Variants in LINGO2 observed in about 807,000 individuals in gnomAD.
LINGO2 encodes leucine-rich repeat and immunoglobulin-like domain-containing nogo receptor-interacting protein 2.
LINGO2 carries 14 observed loss-of-function variants against 30.6 expected under a neutral mutation model. The ratio of observed to expected loss-of-function variants is 0.46; its 90% CI spans 0.30 to 0.72. The LOEUF (loss-of-function observed/expected upper bound fraction) is 0.72, where lower values mean the gene tolerates loss of function less well. Among genes scored for constraint, LINGO2 ranks in the 30% least tolerant of loss-of-function variants. LINGO2 has a pLI of 0.07. For synonymous variants in LINGO2, 317 were observed against 288.5 expected, an observed-to-expected ratio of 1.10 and a Z score of -1.00; for missense variants, 729 against 751.7, an observed-to-expected ratio of 0.97 and a Z score of 0.35.
At chr9:28,313,690 G>A (rs986140491) in intron 3 of LINGO2, among the ~76,000 whole-genome samples, 3 of 152,070 alleles carry the variant, frequency 2.0e-5, no homozygotes, top group Non-Finnish European at 4.4e-5. Flanking sequence ...GTTGCTTCTC[G>A]AGTTCAAGCT....
rs1822494449 is a variant in LINGO2 at position 28,010,377 on chromosome 9, G to A, written c.-36+1978C>T. Among the ~76,000 whole-genome samples, 3 of 152,120 alleles carry A rather than the reference G, an allele frequency of 2.0e-5. No homozygotes were observed. In the South Asian group the frequency reaches 6.2e-4, roughly 32 times the overall value. On this transcript the variant is annotated intron_variant, in intron 5 of 5. Transcript: ENST00000379992. ...ACATAGTTTGTAACCTAGACACCTG[G>A]ACACTGAGACCTCACTCCTCTGGGC...
chr9:28,264,493 T>C (rs1587352580), intron 4 of LINGO2, among the ~76,000 whole-genome samples: 1 of 152,022 alleles, frequency 6.6e-6, no homozygotes, highest in Non-Finnish European at 1.5e-5. Flanking sequence ...AATATTTCAT[T>C]CAAGGCTTGA....
At chr9:28,985,945 T>G in the LINGO2 span, among the ~76,000 whole-genome samples, 2 of 152,062 alleles carry the variant, frequency 1.3e-5, no homozygotes, top group African/African-American at 4.8e-5. Flanking sequence ...CCCAGACCAA[T>G]GTTGTGTTTC....
chr9:28,553,497 G>C (rs1320017306), intron 1 of LINGO2, among the ~76,000 whole-genome samples: 2 of 152,088 alleles, frequency 1.3e-5, no homozygotes, highest in African/African-American at 4.8e-5. Context: ...ATGGGACTAT[G>C]TGAAAAGACC....
intron 3 of LINGO2, among the ~76,000 whole-genome samples, chr9:28,305,018 C>T (rs2134225197): frequency 6.6e-6 from 1 of 151,858 alleles, no homozygotes; most frequent in South Asian, 2.1e-4. Flanking sequence ...AATGGAATAG[C>T]CAGAGCAACT....
At chr9:28,667,466 G>A (rs1828848644) in intron 1 of LINGO2, among the ~76,000 whole-genome samples, 1 of 152,070 alleles carries the variant, frequency 6.6e-6, no homozygotes, top group Admixed American at 6.6e-5. Flanking sequence ...AATTCCCACT[G>A]GGCACGGTGG....
rs947398146 is a variant in LINGO2 at position 28,215,616 on chromosome 9, T to TA, written c.-87+79591dup. On this transcript the variant is annotated intron_variant, in intron 4 of 5. Coordinates refer to ENST00000379992, the Ensembl canonical transcript of LINGO2. ...AACTGGGAGGCCACAATAAATTCAG[T>TA]AAAAAAAAATGTTAGTCAAGGGTTG... Among the ~76,000 whole-genome samples, 157 of 150,668 alleles carry TA rather than the reference T, an allele frequency of 1.0e-3. 1 individual carries two copies. Among genetic ancestry groups the TA allele is most frequent in the African/African-American group, 3.5e-3 (143 of 41,208 alleles).
chr9:28,023,526 C>A (rs1450990929), intron 4 of LINGO2, among the ~76,000 whole-genome samples: 2 of 152,140 alleles, frequency 1.3e-5, no homozygotes, highest in Non-Finnish European at 2.9e-5. Flanking sequence ...CTCTTATGAA[C>A]CAATCTCAGT....
At chr9:29,003,844 G>C in the LINGO2 span, among the ~76,000 whole-genome samples, 46 of 152,098 alleles carry the variant, frequency 3.0e-4, no homozygotes, top group African/African-American at 1.1e-3. Context: ...ATCTGAGGGA[G>C]AGAATCTGTA....
the LINGO2 span, among the ~76,000 whole-genome samples, chr9:29,007,694 T>C: frequency 6.6e-6 from 1 of 152,084 alleles, no homozygotes; most frequent in Non-Finnish European, 1.5e-5. Context: ...GATTCAGTGA[T>C]ATCCAAAGTG....
At chr9:28,186,770 G>T (rs1819556002) in intron 4 of LINGO2, among the ~76,000 whole-genome samples, 1 of 152,150 alleles carries the variant, frequency 6.6e-6, no homozygotes. Context: ...AGGCCCTGAG[G>T]TAGGAGCAGG....
the LINGO2 span, among the ~76,000 whole-genome samples, chr9:29,100,356 A>G: frequency 0.24 from 35,822 of 151,872 alleles, 4,360 homozygotes; most frequent in East Asian, 0.41. Flanking sequence ...CAGAACTTTC[A>G]GAGGCCGAGG....
chr9:29,052,060 A>G, the LINGO2 span, among the ~76,000 whole-genome samples: 1 of 152,130 alleles, frequency 6.6e-6, no homozygotes, highest in Non-Finnish European at 1.5e-5. Context: ...ACAAAATGGC[A>G]ATTTCCTATG....
chr9:28,770,351 T>C, the LINGO2 span, among the ~76,000 whole-genome samples: 1 of 152,176 alleles, frequency 6.6e-6, no homozygotes, highest in Non-Finnish European at 1.5e-5. Context: ...ATTACAAGTC[T>C]TCAGTCTCCC....
chr9:28,444,004 G>C (rs977794240), intron 2 of LINGO2, among the ~76,000 whole-genome samples: 3 of 152,054 alleles, frequency 2.0e-5, no homozygotes, highest in African/African-American at 7.2e-5. Context: ...TCTCCCTTCT[G>C]AGCCCATAAA....
chr9:28,630,619 G>C (rs2135873418), intron 1 of LINGO2, among the ~76,000 whole-genome samples: 2 of 152,108 alleles, frequency 1.3e-5, no homozygotes, highest in African/African-American at 4.8e-5. Context: ...TTTCATACAG[G>C]GAGGCTTCTA....
At chr9:29,121,997 G>T in the LINGO2 span, among the ~76,000 whole-genome samples, 1 of 152,134 alleles carries the variant, frequency 6.6e-6, no homozygotes, top group East Asian at 1.9e-4. Context: ...AGAAGAAAAA[G>T]AGTTTAAAAT....
At chr9:29,052,021 A>G in the LINGO2 span, among the ~76,000 whole-genome samples, 1 of 152,140 alleles carries the variant, frequency 6.6e-6, no homozygotes, top group Non-Finnish European at 1.5e-5. Flanking sequence ...AACCATACGA[A>G]ATTGTTGATG....
At chr9:28,703,031 G>C in the LINGO2 span, among the ~76,000 whole-genome samples, 1 of 151,032 alleles carries the variant, frequency 6.6e-6, no homozygotes, top group African/African-American at 2.4e-5. Flanking sequence ...TCTTAGCCTG[G>C]CTATATGCTA....
Sources: gnomAD v4.1 joint callset for allele counts (sites outside exome capture counted in the v4.1 genomes callset) on GRCh38, gnomAD v4.1.1 for gene constraint, MANE v1.5 for transcripts, NCBI Gene and HGNC (gene_info 2026-07-23, HGNC 2026-07-21) for gene names.